Variants in ANKFN1 observed in about 807,000 individuals in gnomAD.
ANKFN1 encodes the protein ankyrin repeat and fibronectin type III domain containing 1, also known as ankyrin repeat and fibronectin type-III domain-containing protein 1.
ANKFN1 carries 74 observed loss-of-function variants against 108.7 expected under a neutral mutation model. That is an observed-to-expected ratio of 0.68 (90% CI 0.56 to 0.83). ANKFN1 has a LOEUF of 0.83. ANKFN1 is among the 40% of genes least tolerant of loss of function. The probability of loss-of-function intolerance (pLI) is 0.00; values close to 1 mark genes in which losing one functional copy is unlikely to be tolerated. For synonymous variants in ANKFN1, 547 were observed against 516.2 expected (o/e 1.06, Z -0.81); for missense variants, 1,505 against 1,382.3 (o/e 1.09, Z -1.41).
At chr17:56,105,951 A>C (rs190986918) in intron 4 of ANKFN1, among the ~76,000 whole-genome samples, 1 of 152,082 alleles carries the variant, frequency 6.6e-6, no homozygotes, top group Non-Finnish European at 1.5e-5. Context: ...TGTTACTTTC[A>C]TGACAGCCCC....
At chr17:56,241,973 G>C (rs1433445529) in intron 3 of ANKFN1, among the ~76,000 whole-genome samples, 1 of 152,040 alleles carries the variant, frequency 6.6e-6, no homozygotes, top group African/African-American at 2.4e-5. Flanking sequence ...GGGATGGTGT[G>C]AGACTTCATC....
intron 3 of ANKFN1, among the ~76,000 whole-genome samples, chr17:56,295,611 G>T (rs1467292785): frequency 1.3e-5 from 2 of 151,288 alleles, no homozygotes; most frequent in African/African-American, 4.9e-5. Context: ...AGCCGTGTGT[G>T]GGCGGTGTGT....
At chr17:56,360,238 T>G (rs183705073) in intron 6 of ANKFN1, among the ~76,000 whole-genome samples, 4 of 152,318 alleles carry the variant, frequency 2.6e-5, no homozygotes, top group South Asian at 4.1e-4. Flanking sequence ...CTCCATTCTG[T>G]TCCTGTAACA....
At chr17:56,063,990 A>G (rs1236579538) in intron 4 of ANKFN1, among the ~76,000 whole-genome samples, 1 of 152,074 alleles carries the variant, frequency 6.6e-6, no homozygotes, top group Non-Finnish European at 1.5e-5. Context: ...TTCAATGGCC[A>G]GGTCCCTCTT....
intron 4 of ANKFN1, among the ~76,000 whole-genome samples, chr17:56,132,500 A>G (rs1156572593): frequency 3.3e-5 from 5 of 152,194 alleles, no homozygotes; most frequent in Non-Finnish European, 7.3e-5. Flanking sequence ...TCAATTTTAT[A>G]AAGCAAAGAC....
intron 6 of ANKFN1, among the ~76,000 whole-genome samples, chr17:56,357,201 C>A (rs528235227): frequency 1.3e-5 from 2 of 152,274 alleles, no homozygotes; most frequent in East Asian, 3.9e-4. Flanking sequence ...AGAGATACGA[C>A]CACATATAGA....
chr17:56,197,239 CCTAT>C (rs1913604404), intron 1 of ANKFN1, among the ~76,000 whole-genome samples: 1 of 152,120 alleles, frequency 6.6e-6, no homozygotes, highest in Non-Finnish European at 1.5e-5. Context: ...AAAACACAGA[CCTAT>C]CTGATTCTGC....
rs1456946256 is a variant in ANKFN1 at position 56,361,349 on chromosome 17, G to T, written c.601+7303G>T. 2.0e-5 allele frequency among the ~76,000 whole-genome samples: 3 copies of T among 152,092 alleles called. 1 individual carries two copies. Among genetic ancestry groups the T allele is most frequent in the Admixed American group, 2.0e-4 (3 of 15,266 alleles). On this transcript the variant is annotated intron_variant, in intron 6 of 20. Coordinates refer to ENST00000682825, the MANE Select transcript of ANKFN1 (RefSeq NM_001370326.1). ...AAATATATCCATTGTTATCAGTTTA[G>T]AGGGTATGCAGACTTTTCCCCATGA...
At chr17:56,445,332 A>G (rs1416019177) in intron 10 of ANKFN1, among the ~76,000 whole-genome samples, 1 of 152,222 alleles carries the variant, frequency 6.6e-6, no homozygotes, top group Non-Finnish European at 1.5e-5. Flanking sequence ...TTCAGTTTCC[A>G]TAAGCTGCAC....
At chr17:56,424,877 A>G (rs1325407946) in intron 8 of ANKFN1, among the ~76,000 whole-genome samples, 1 of 152,222 alleles carries the variant, frequency 6.6e-6, no homozygotes, top group Non-Finnish European at 1.5e-5. Context: ...ACCTACTGTC[A>G]AAGGGGATTT....
intron 3 of ANKFN1, among the ~76,000 whole-genome samples, chr17:56,249,455 T>C (rs1291354758): frequency 6.7e-6 from 1 of 149,904 alleles, no homozygotes; most frequent in Admixed American, 6.6e-5. Flanking sequence ...AAAAAAAAAG[T>C]CAAATTAATT....
chr17:56,451,927 A>T (rs1338767188), intron 11 of ANKFN1, among the ~76,000 whole-genome samples: 1 of 152,204 alleles, frequency 6.6e-6, no homozygotes, highest in African/African-American at 2.4e-5. Context: ...AAAATCCTAA[A>T]TAGGAGGTAC....
At chr17:56,148,579 A>T (rs1008084984), upstream of ANKFN1, among the ~76,000 whole-genome samples, 1 of 152,234 alleles carries the variant, frequency 6.6e-6, no homozygotes, top group Non-Finnish European at 1.5e-5. Context: ...GACTTTGATC[A>T]GAACCACCTA....
chr17:56,345,445 C>T (rs1350058713), intron 4 of ANKFN1, among the ~76,000 whole-genome samples: 2 of 152,110 alleles, frequency 1.3e-5, no homozygotes, highest in Admixed American at 1.3e-4. Context: ...ATTTCTGGTT[C>T]TAGATCCTTG....
chr17:56,445,630 C>T (rs1327222597), intron 10 of ANKFN1, among the ~76,000 whole-genome samples: 3 of 152,050 alleles, frequency 2.0e-5, no homozygotes, highest in Admixed American at 6.6e-5. Context: ...TAACATATAT[C>T]GGTATTCAGA....
intron 1 of ANKFN1, among the ~76,000 whole-genome samples, chr17:56,172,859 G>C (rs951447301): frequency 6.6e-6 from 1 of 152,178 alleles, no homozygotes; most frequent in African/African-American, 2.4e-5. Flanking sequence ...TCTGGAACCA[G>C]CCAGCAGACA....
intron 4 of ANKFN1, among the ~76,000 whole-genome samples, chr17:56,064,142 C>A (rs1370628500): frequency 6.6e-6 from 1 of 152,120 alleles, no homozygotes; most frequent in Non-Finnish European, 1.5e-5. Flanking sequence ...CTCTGACCAA[C>A]CTGATGCCAG....
At position 56,239,385 on chromosome 17, in the gene ANKFN1, A is replaced by G. The variant is rs372599679; in HGVS notation, c.53+11428A>G. On this transcript the variant is annotated intron_variant, in intron 3 of 20. Transcript: ENST00000682825. ...AGTTCAACATAGCCATAAGCTAACAATTGAAGTGTTCCCAACACAAAGGAC... is the reference window on the plus strand; with the variant it reads ...AGTTCAACATAGCCATAAGCTAACAGTTGAAGTGTTCCCAACACAAAGGAC... 5.9e-5 allele frequency among the ~76,000 whole-genome samples: 9 copies of G among 152,238 alleles called. No homozygotes were observed. The East Asian group carries it at 1.7e-3, about 29-fold the overall frequency.
At chr17:56,434,089 T>C (rs2145128856) in intron 8 of ANKFN1, among the ~76,000 whole-genome samples, 1 of 152,258 alleles carries the variant, frequency 6.6e-6, no homozygotes, top group Admixed American at 6.5e-5. Context: ...AGGAGAGCAA[T>C]TAACAAGCAA....
Sources: allele counts gnomAD v4.1 joint callset (sites outside exome capture counted in the v4.1 genomes callset), GRCh38; gene constraint gnomAD v4.1.1; transcripts MANE v1.5; gene names NCBI Gene and HGNC (gene_info 2026-07-23, HGNC 2026-07-21).